The following HTR4 variants were observed in gnomAD, a reference collection of about 807,000 sequenced individuals.
The protein encoded by HTR4 is 5-hydroxytryptamine receptor 4.
A neutral mutation model predicts 36.8 loss-of-function variants in HTR4; 16 were observed. That is an observed-to-expected ratio of 0.43 (90% confidence interval 0.29 to 0.66). The LOEUF (loss-of-function observed/expected upper bound fraction) is 0.66, where lower values mean the gene tolerates loss of function less well. Among genes scored for constraint, HTR4 ranks in the 30% least tolerant of loss-of-function variants. HTR4 has a pLI of 0.13. For missense variants in HTR4, 438 were observed against 490.9 expected (o/e 0.89, Z 1.02); for synonymous variants, 189 against 185.1 (o/e 1.02, Z -0.17).
At chr5:148,645,134 A>G (rs897269315) in intron 1 of HTR4, 3 of 152,234 alleles carry the variant, frequency 2.0e-5, no homozygotes, top group African/African-American at 7.2e-5. Context: ...AAAAGGTGGC[A>G]AGAATCATGA....
At chr5:148,461,093 G>A (rs900348908) in intron 5 of HTR4, among the ~76,000 whole-genome samples, 1 of 151,670 alleles carries the variant, frequency 6.6e-6, no homozygotes, top group Admixed American at 6.6e-5. Flanking sequence ...CAACTCTAGG[G>A]CAACCACTAA....
chr5:148,483,695 C>A (rs556921746), intron 6 of HTR4, among the ~76,000 whole-genome samples: 5 of 152,292 alleles, frequency 3.3e-5, no homozygotes, highest in South Asian at 2.1e-4. Context: ...CCTTTGAACA[C>A]CTCTCTTGAA....
chr5:148,506,499 C>T lies in HTR4; in HGVS notation c.1076+2957G>A, dbSNP rs534531985. On this transcript the variant is annotated intron_variant, in intron 6 of 6. Transcript: ENST00000377888. ...ATGTCTAAAACACCAAAAACAACGG[C>T]AACAGAAGCTAAAATTGACAAATGG... is the stretch of plus-strand genomic sequence containing the variant. Among the ~76,000 whole-genome samples, 7 of 152,264 alleles carry T rather than the reference C, an allele frequency of 4.6e-5. No homozygotes were observed. In the South Asian group the frequency reaches 1.5e-3, roughly 32 times the overall value.
chr5:148,589,754 C>A (rs1761486906), intron 2 of HTR4, among the ~76,000 whole-genome samples: 1 of 151,858 alleles, frequency 6.6e-6, no homozygotes, highest in African/African-American at 2.4e-5. Context: ...GTATTTATGG[C>A]ATACAATATG....
At chr5:148,524,917 C>G (rs182320573) in intron 4 of HTR4, among the ~76,000 whole-genome samples, 1 of 152,102 alleles carries the variant, frequency 6.6e-6, no homozygotes, top group East Asian at 1.9e-4. Context: ...TGTTGGAGCA[C>G]GAGGAGCAGG....
intron 2 of HTR4, among the ~76,000 whole-genome samples, chr5:148,580,111 A>C (rs911660419): frequency 6.6e-6 from 1 of 152,034 alleles, no homozygotes; most frequent in African/African-American, 2.4e-5. Context: ...TTGGCTTTGC[A>C]ATCCTCAGCT....
intron 2 of HTR4, among the ~76,000 whole-genome samples, chr5:148,600,988 A>C (rs943523375): frequency 2.0e-5 from 3 of 148,162 alleles, no homozygotes; most frequent in Admixed American, 6.7e-5. Flanking sequence ...AAAAAAAAAA[A>C]AAAAAAAAAA....
intron 4 of HTR4, 58 bp from the exon 5 acceptor site, chr5:148,523,404 G>T: frequency 7.0e-7 from 1 of 1,433,506 alleles, no homozygotes; most frequent in Non-Finnish European, 9.4e-7. Flanking sequence ...GGGAGGGAGA[G>T]AAAAGAGAAT....
chr5:148,622,808 G>C (rs190941187), intron 2 of HTR4, among the ~76,000 whole-genome samples: 1 of 152,064 alleles, frequency 6.6e-6, no homozygotes, highest in Non-Finnish European at 1.5e-5. Flanking sequence ...TTAATATAAG[G>C]TTTTATTACT....
chr5:148,582,871 C>T (rs960757959), intron 2 of HTR4, among the ~76,000 whole-genome samples: 3 of 152,000 alleles, frequency 2.0e-5, no homozygotes, highest in Admixed American at 6.6e-5. Flanking sequence ...ACAATCATGT[C>T]GTCTGCAAAC....
intron 5 of HTR4, among the ~76,000 whole-genome samples, chr5:148,457,985 A>G (rs1755154903): frequency 7.2e-6 from 1 of 138,428 alleles, no homozygotes; most frequent in Admixed American, 7.5e-5. Flanking sequence ...TTTTAATGAT[A>G]TATTTAATAT....
chr5:148,603,333 C>T lies in HTR4; in HGVS notation c.26+33656G>A, dbSNP rs372640913. Among the ~76,000 whole-genome samples, 9 of 151,890 alleles carry T rather than the reference C, an allele frequency of 5.9e-5. No individual in the cohort carries two copies. In the South Asian group the frequency reaches 6.2e-4, roughly 10 times the overall value. ...AGCATTTGAAAAAATGTTATAATTA[C>T]GATTTACAAAGAAAAAACTCAGCAA... On this transcript the variant is annotated intron_variant, in intron 2 of 6. Transcript: ENST00000377888.
chr5:148,635,442 A>T (rs929283448), intron 2 of HTR4, among the ~76,000 whole-genome samples: 6 of 152,152 alleles, frequency 3.9e-5, no homozygotes, highest in Non-Finnish European at 8.8e-5. Flanking sequence ...GTCCAGAGAC[A>T]AGATTCTGGG....
intron 4 of HTR4, among the ~76,000 whole-genome samples, chr5:148,533,730 T>C (rs1758683164): frequency 6.6e-6 from 1 of 152,228 alleles, no homozygotes; most frequent in African/African-American, 2.4e-5. Flanking sequence ...AATCAGTTAC[T>C]AACCTCAAGA....
At chr5:148,644,707 G>A (rs1753830340) in intron 1 of HTR4, 1 of 152,132 alleles carries the variant, frequency 6.6e-6, no homozygotes, top group Non-Finnish European at 1.5e-5. Context: ...AAGGTGGGAT[G>A]TGGATACTCC....
intron 2 of HTR4, among the ~76,000 whole-genome samples, chr5:148,551,861 A>G (rs955532463): frequency 1.3e-5 from 2 of 152,196 alleles, no homozygotes; most frequent in Admixed American, 6.5e-5. Context: ...CATGGGTTAG[A>G]CAAGTTTGTC....
intron 1 of HTR4, among the ~76,000 whole-genome samples, chr5:148,649,897 C>G (rs997165575): frequency 3.3e-5 from 5 of 152,026 alleles, no homozygotes; most frequent in African/African-American, 1.2e-4. Context: ...GGTCTTAACC[C>G]AATAGTTCTC....
chr5:148,457,341 G>C (rs554633990), intron 5 of HTR4, among the ~76,000 whole-genome samples: 21 of 152,212 alleles, frequency 1.4e-4, no homozygotes, highest in African/African-American at 5.1e-4. Flanking sequence ...AAGCTGGGTT[G>C]CTTCCCCCAT....
At chr5:148,619,164 A>G (rs950575429) in intron 2 of HTR4, among the ~76,000 whole-genome samples, 9 of 152,304 alleles carry the variant, frequency 5.9e-5, no homozygotes, top group African/African-American at 2.2e-4. Context: ...AATTCAGTCC[A>G]GCTTTGTTTT....
Sources: gnomAD v4.1 joint callset for allele counts (sites outside exome capture counted in the v4.1 genomes callset) on GRCh38, gnomAD v4.1.1 for gene constraint, MANE v1.5 for transcripts, NCBI Gene and HGNC (gene_info 2026-07-23, HGNC 2026-07-21) for gene names.